The following EIF3E variants were observed in gnomAD, a reference collection of about 807,000 sequenced individuals.
EIF3E encodes the protein eIF-3 p48.
Under a neutral mutation model 59.3 loss-of-function variants are expected in EIF3E, and 25 were observed. The observed-to-expected ratio is 0.42, with a 90% CI of 0.31 to 0.59. The LOEUF (loss-of-function observed/expected upper bound fraction) is 0.59, where lower values mean the gene tolerates loss of function less well. EIF3E is among the 20% of genes least tolerant of loss of function. The probability of loss-of-function intolerance (pLI) is 0.15; values close to 1 mark genes in which losing one functional copy is unlikely to be tolerated. For missense variants in EIF3E, 317 were observed against 534.3 expected (o/e 0.59, Z 4.01); for synonymous variants, 176 against 170.2 (o/e 1.03, Z -0.26).
intron 7 of EIF3E, chr8:108,227,093 GGTA>G (rs1287891092): frequency 6.6e-6 from 1 of 152,220 alleles, no homozygotes; most frequent in Non-Finnish European, 1.5e-5. Flanking sequence ...GGGAGGCTGA[GGTA>G]GGAGAACTGC....
chr8:108,203,628 A>T (rs1815038552), intron 10 of EIF3E, 125 bp from the exon 11 acceptor site: 1 of 716,156 alleles, frequency 1.4e-6, no homozygotes, highest in Non-Finnish European at 2.4e-6. Context: ...CTTCTCTTAT[A>T]TACCATGACC....
In EIF3E at chr8:108,248,686, A is replaced by T. The variant is rs1815998039; in HGVS notation, c.17T>A (p.Leu6Ter). 2 of 1,614,072 alleles carry T rather than the reference A, an allele frequency of 1.2e-6. No homozygotes were observed. The highest frequency in any genetic ancestry group is 2.7e-5 in the African/African-American group (2 of 74,938). Reference sequence around the variant, plus strand: ...CAAAAAGTGCGCGATGCGAGTAGTCAAGTCGTACTCCGCCATCTTGCCAAA... The same window carrying T: ...CAAAAAGTGCGCGATGCGAGTAGTCTAGTCGTACTCCGCCATCTTGCCAAA... The part of the protein sequence containing the change: MAEYD[L>*]TTRIAHFLDR... Residue 6 changes from leucine to a stop codon, truncating the protein, a stop_gained, in exon 1 of 13, where the codon TTG becomes TAG. Transcript: ENST00000220849. LOFTEE classifies it high-confidence loss of function.
At chr8:108,206,629 CACAG>C (rs1272731724) in intron 10 of EIF3E, among the ~76,000 whole-genome samples, 2 of 103,966 alleles carry the variant, frequency 1.9e-5, no homozygotes, top group South Asian at 6.4e-4. Flanking sequence ...GGCATGGTCG[CACAG>C]ACACACACAC....
At chr8:108,228,462 T>C (rs1334665878) in intron 6 of EIF3E, 71 bp from the exon 7 acceptor site, 1 of 1,207,658 alleles carries the variant, frequency 8.3e-7, no homozygotes, top group Non-Finnish European at 1.1e-6. Flanking sequence ...CAAACATCAC[T>C]AACTTCAAAA....
intron 10 of EIF3E, among the ~76,000 whole-genome samples, chr8:108,206,099 T>C (rs1815096172): frequency 6.6e-6 from 1 of 152,136 alleles, no homozygotes; most frequent in Non-Finnish European, 1.5e-5. Flanking sequence ...AAATATAACA[T>C]GCCAGCCAAA....
At chr8:108,241,970 T>A in intron 1 of EIF3E, 57 bp from the exon 2 acceptor site, 1 of 1,280,698 alleles carries the variant, frequency 7.8e-7, no homozygotes, top group Non-Finnish European at 1.1e-6. Flanking sequence ...ATAAACTGAT[T>A]AATACTAAAA....
intron 10 of EIF3E, among the ~76,000 whole-genome samples, chr8:108,204,748 G>C (rs71506385): frequency 2.2e-5 from 2 of 90,236 alleles, no homozygotes; most frequent in African/African-American, 4.2e-5. Context: ...TATATATATA[G>C]AGAGAGAGAG....
chr8:108,247,845 AC>A (rs1468604892), intron 1 of EIF3E, among the ~76,000 whole-genome samples: 1 of 152,194 alleles, frequency 6.6e-6, no homozygotes, highest in East Asian at 1.9e-4. Context: ...TTTAGCCAAA[AC>A]TTTCAAGTCC....
At chr8:108,246,571 G>A (rs1040515405) in intron 1 of EIF3E, among the ~76,000 whole-genome samples, 1 of 151,988 alleles carries the variant, frequency 6.6e-6, no homozygotes, top group Non-Finnish European at 1.5e-5. Context: ...TTAACCCTTG[G>A]ACGACAAGGG....
intron 5 of EIF3E, chr8:108,233,715 C>A: frequency 5.4e-6 from 2 of 369,142 alleles, no homozygotes; most frequent in Non-Finnish European, 1.1e-5. Context: ...AGTGGTGATG[C>A]ACACTTGTAG....
intron 3 of EIF3E, among the ~76,000 whole-genome samples, chr8:108,236,578 A>G (rs1315449331): frequency 6.6e-6 from 1 of 152,220 alleles, no homozygotes; most frequent in Non-Finnish European, 1.5e-5. Flanking sequence ...TATGTGGTCA[A>G]ATTTCTAATA....
Position 108,248,631 on chromosome 8 carries a change from T to C in EIF3E, c.72A>G (p.Glu24=), listed in dbSNP as rs1476423996. The part of the protein sequence containing the change: ...LDRHLVFPLL[E]FLSVKEIYNE... ...CCCTCACCTCCTTTACAGAGAGAAA[T>C]TCAAGAAGCGGAAAGACTAGATGCC... Residue 24 remains glutamate, a synonymous_variant, in exon 1 of 13, where the codon GAA becomes GAG. Transcript: ENST00000220849. 3.7e-6 allele frequency: 6 copies of C among 1,613,884 alleles called. No homozygotes were observed. Among genetic ancestry groups the C allele is most frequent in the Non-Finnish European group, 5.1e-6 (6 of 1,179,982 alleles).
intron 10 of EIF3E, among the ~76,000 whole-genome samples, chr8:108,204,740 TATATATAGAGAGAG>T (rs1815061135): frequency 9.7e-6 from 1 of 103,146 alleles, no homozygotes; most frequent in African/African-American, 4.2e-5. Context: ...TGTATATATA[TATATATAGAGAGAG>T]AGAGAGAGAG....
intron 2 of EIF3E, among the ~76,000 whole-genome samples, chr8:108,240,502 T>C (rs901581322): frequency 2.6e-5 from 4 of 152,260 alleles, no homozygotes; most frequent in African/African-American, 9.6e-5. Context: ...GGGATTTACA[T>C]ATTACTATTA....
At chr8:108,238,037 T>A (rs919282462) in intron 3 of EIF3E, among the ~76,000 whole-genome samples, 24 of 152,238 alleles carry the variant, frequency 1.6e-4, no homozygotes, top group Non-Finnish European at 1.5e-5. Context: ...TGAACACATG[T>A]ACATTCATCT....
At chr8:108,204,224 A>G (rs62535908) in intron 10 of EIF3E, among the ~76,000 whole-genome samples, 263 of 152,202 alleles carry the variant, frequency 1.7e-3, no homozygotes, top group Non-Finnish European at 2.3e-3. Context: ...CTTTGGATAA[A>G]GAAGACATAT....
chr8:108,202,444 G>A (rs1296488599), intron 12 of EIF3E, among the ~76,000 whole-genome samples: 3 of 151,930 alleles, frequency 2.0e-5, no homozygotes, highest in Non-Finnish European at 2.9e-5. Flanking sequence ...CACAGTTTAG[G>A]ATTCCAAAAT....
intron 5 of EIF3E, chr8:108,234,791 T>C (rs2129909394): frequency 2.8e-6 from 1 of 354,292 alleles, no homozygotes; most frequent in Non-Finnish European, 5.0e-6. Context: ...ACAAGTTAAA[T>C]CACCCTCCAA....
At chr8:108,209,628 T>C (rs1273727870) in intron 10 of EIF3E, among the ~76,000 whole-genome samples, 2 of 152,194 alleles carry the variant, frequency 1.3e-5, no homozygotes, top group African/African-American at 4.8e-5. Context: ...CATTAACATC[T>C]GTAATGTTTT....
Sources: allele counts gnomAD v4.1 joint callset (sites outside exome capture counted in the v4.1 genomes callset), GRCh38; gene constraint gnomAD v4.1.1; transcripts MANE v1.5; gene names NCBI Gene and HGNC (gene_info 2026-07-23, HGNC 2026-07-21).